Variants in TLK1 observed in about 807,000 individuals in gnomAD.
The protein encoded by TLK1 is tousled like kinase 1, also known as serine/threonine-protein kinase tousled-like 1.
Under a neutral mutation model 105.3 loss-of-function variants are expected in TLK1, and 24 were observed. The observed-to-expected ratio is 0.23, with a 90% CI of 0.17 to 0.32. The LOEUF is 0.32. TLK1 is among the 10% of genes least tolerant of loss of function. The probability of loss-of-function intolerance (pLI) is 1.00; values close to 1 mark genes in which losing one functional copy is unlikely to be tolerated. For missense variants in TLK1, 558 were observed against 910.5 expected, an observed-to-expected ratio of 0.61 and a Z score of 4.98; for synonymous variants, 321 against 310.4, an observed-to-expected ratio of 1.03 and a Z score of -0.36.
intron 1 of TLK1, among the ~76,000 whole-genome samples, chr2:171,188,607 G>A: frequency 6.6e-6 from 1 of 151,596 alleles, no homozygotes; most frequent in East Asian, 1.9e-4. Flanking sequence ...TTGGGAGGCT[G>A]AGGCAGGAGA....
intron 12 of TLK1, among the ~76,000 whole-genome samples, chr2:171,022,629 T>C (rs567594223): frequency 6.6e-6 from 1 of 152,338 alleles, no homozygotes; most frequent in East Asian, 1.9e-4. Flanking sequence ...TCCTAGAAGA[T>C]TTCTTCCAGT....
intron 12 of TLK1, among the ~76,000 whole-genome samples, chr2:171,027,553 C>CT (rs1685832138): frequency 1.3e-5 from 2 of 152,158 alleles, no homozygotes; most frequent in African/African-American, 4.8e-5. Flanking sequence ...TCACTAAGTG[C>CT]TTTTTCCTAC....
At chr2:171,204,181 G>A (rs975382289) in intron 1 of TLK1, among the ~76,000 whole-genome samples, 4 of 152,294 alleles carry the variant, frequency 2.6e-5, no homozygotes, top group African/African-American at 7.2e-5. Context: ...TTTAGAGATC[G>A]ATTAGAATAT....
intron 1 of TLK1, among the ~76,000 whole-genome samples, chr2:171,132,115 G>A (rs1046678191): frequency 5.9e-5 from 9 of 152,144 alleles, no homozygotes; most frequent in Non-Finnish European, 1.0e-4. Context: ...AAAGAAAAGA[G>A]GTTTAATTGA....
At chr2:171,082,645 G>T in intron 3 of TLK1, 136 bp downstream of exon 3, 1 of 720,080 alleles carries the variant, frequency 1.4e-6, no homozygotes, top group Non-Finnish European at 2.4e-6. Context: ...TCATAAGGCA[G>T]AACAAAACAT....
intron 3 of TLK1, among the ~76,000 whole-genome samples, chr2:171,079,232 G>C (rs1688643296): frequency 6.6e-6 from 1 of 152,094 alleles, no homozygotes; most frequent in Non-Finnish European, 1.5e-5. Flanking sequence ...CTGTCTTATG[G>C]GATGAATTCA....
At chr2:171,086,653 GA>G (rs1320285556) in intron 2 of TLK1, among the ~76,000 whole-genome samples, 2 of 143,942 alleles carry the variant, frequency 1.4e-5, no homozygotes, top group South Asian at 4.3e-4. Context: ...AAAAAAAACA[GA>G]AAAAAAAAGA....
chr2:170,993,685 A>AG lies in TLK1; in HGVS notation c.*94_*95insC, dbSNP rs1683899895. The AG allele has an allele frequency of 4.9e-4, 488 of 993,940 alleles. No homozygotes were observed. The highest frequency in any genetic ancestry group is 5.9e-4 in the Non-Finnish European group (437 of 742,288). 61.6% of individuals were successfully genotyped at this position (993,940 alleles called of 1,614,324 possible). A position where few individuals can be genotyped will look rare whatever the true frequency, so the allele number is the denominator to read the frequency against. On this transcript the variant is annotated 3_prime_UTR_variant, in exon 21 of 21. Coordinates refer to ENST00000431350, the MANE Select transcript of TLK1 (RefSeq NM_012290.5). ...GTCTTGTGTAAAAAAAAAAAAAAAA[A>AG]AAAAAGAAAAAGAAAACAAACACTC...
intron 3 of TLK1, among the ~76,000 whole-genome samples, chr2:171,076,541 G>A (rs1280044485): frequency 6.6e-6 from 1 of 152,062 alleles, no homozygotes; most frequent in African/African-American, 2.4e-5. Flanking sequence ...AGATCATTGT[G>A]TTTAGATAGT....
At chr2:171,008,369 T>C (rs1483645949) in intron 14 of TLK1, among the ~76,000 whole-genome samples, 1 of 152,018 alleles carries the variant, frequency 6.6e-6, no homozygotes, top group Non-Finnish European at 1.5e-5. Context: ...AAGGGTTAAG[T>C]GTAAAGAAAC....
rs372752514 is a variant in TLK1, at chr2:171,112,715, C to G, written c.258+5024G>C. 3.3e-5 allele frequency among the ~76,000 whole-genome samples: 5 copies of G among 152,128 alleles called. No individual in the cohort carries two copies. The East Asian group carries it at 7.7e-4, about 23-fold the overall frequency. The stretch of plus-strand genomic sequence containing the variant: ...AACCATTACAACCAATAAAAGAGAA[C>G]AGCAAGACTGCCAGATACAAGACCA... On this transcript the variant is annotated intron_variant, in intron 2 of 20. Coordinates refer to ENST00000431350, the MANE Select transcript of TLK1 (RefSeq NM_012290.5).
intron 1 of TLK1, among the ~76,000 whole-genome samples, chr2:171,229,393 C>G (rs987442946): frequency 6.6e-5 from 10 of 152,178 alleles, no homozygotes; most frequent in Non-Finnish European, 1.3e-4. Flanking sequence ...ACTTTTTTGA[C>G]TTGCATTCAC....
intron 1 of TLK1, among the ~76,000 whole-genome samples, chr2:171,197,843 T>C (rs1300623484): frequency 2.6e-5 from 4 of 152,108 alleles, no homozygotes; most frequent in African/African-American, 9.7e-5. Context: ...AAAATGCAGA[T>C]GCTTGGGCTC....
chr2:171,182,939 G>A lies in TLK1; in HGVS notation c.-6+48206C>T, dbSNP rs201127867. Among the ~76,000 whole-genome samples the A allele has an allele frequency of 5.1e-5, 7 of 138,436 alleles. No homozygotes were observed. The East Asian group carries it at 9.8e-4, about 19-fold the overall frequency. The allele number at this position is 138,436 out of a possible 152,430, so 90.8% of individuals were successfully genotyped here. A position where few individuals can be genotyped will look rare whatever the true frequency, so the allele number is the denominator to read the frequency against. ...CCTGACTCCAAAAAAAAAAAAAAAA[G>A]AAAGAAAGAAAGAAAGAAAGAAAGA... On this transcript the variant is annotated intron_variant, in intron 1 of 20. Coordinates refer to the TLK1 transcript ENST00000521943.
intron 10 of TLK1, among the ~76,000 whole-genome samples, chr2:171,048,074 G>A (rs1368287716): frequency 2.0e-5 from 3 of 152,068 alleles, no homozygotes; most frequent in Non-Finnish European, 1.5e-5. Context: ...TCAGCCTCCC[G>A]AGTAGCTGGG....
intron 1 of TLK1, among the ~76,000 whole-genome samples, chr2:171,167,273 C>T (rs982018097): frequency 6.6e-6 from 1 of 152,168 alleles, no homozygotes; most frequent in African/African-American, 2.4e-5. Flanking sequence ...GAGTATTGGG[C>T]CTTCTTCCTT....
chr2:171,056,530 T>C lies in TLK1; in HGVS notation c.490A>G (p.Ile164Val), dbSNP rs150366143. 1.8e-3 allele frequency: 2,851 copies of C among 1,612,334 alleles called. 66 individuals are homozygous for C. The South Asian group carries it at 0.029, about 17-fold the overall frequency. Residue 164 changes from isoleucine (I) to valine (V), a missense_variant, in exon 6 of 21, where the codon ATA becomes GTA. Ile to Val is a conservative substitution (Grantham distance 29, BLOSUM62 3). This residue lies in a region of TLK1 where 196 missense variants were observed against 239.3 expected (regional missense o/e 0.82). Coordinates refer to ENST00000431350, the MANE Select transcript of TLK1 (RefSeq NM_012290.5). ...TGAGGAGAACGGATTGCAGGAGGTA[T>C]GCCTCTTACTGGACTTGAGCCATTT... ...GGNGSSPVRG[I>V]PPAIRSPQNS...
chr2:171,004,997 G>A (rs964700869), intron 18 of TLK1, among the ~76,000 whole-genome samples: 1 of 152,218 alleles, frequency 6.6e-6, no homozygotes, highest in Non-Finnish European at 1.5e-5. Context: ...CTCATTAAAA[G>A]TGAAATCTAT....
At chr2:171,123,828 A>C (rs1183462597) in intron 1 of TLK1, among the ~76,000 whole-genome samples, 1 of 152,162 alleles carries the variant, frequency 6.6e-6, no homozygotes, top group Non-Finnish European at 1.5e-5. Flanking sequence ...ACAAACAAAC[A>C]AAAAAACACT....
Sources: gnomAD v4.1 joint callset for allele counts (sites outside exome capture counted in the v4.1 genomes callset) on GRCh38, gnomAD v4.1.1 for gene constraint, gnomAD v4.1.1 regional missense constraint, MANE v1.5 for transcripts, NCBI Gene and HGNC (gene_info 2026-07-23, HGNC 2026-07-21) for gene names.